MAP4K3: variants seen among roughly 807,000 people sequenced by gnomAD.
MAP4K3 encodes MAPK/ERK kinase kinase kinase 3.
In MAP4K3, 94 loss-of-function variants were observed where a neutral mutation model predicts 143.5. The ratio of observed to expected loss-of-function variants is 0.65; its 90% CI spans 0.55 to 0.78. The LOEUF is 0.78. MAP4K3 is among the 30% of genes least tolerant of loss of function. The pLI is 0.00. For synonymous variants in MAP4K3, 416 were observed against 347.2 expected, an observed-to-expected ratio of 1.20 and a Z score of -2.20; for missense variants, 1,077 against 1,068.1, an observed-to-expected ratio of 1.01 and a Z score of -0.12.
intron 20 of MAP4K3, among the ~76,000 whole-genome samples, chr2:39,287,471 A>AC (rs1558623525): frequency 6.8e-6 from 1 of 146,962 alleles, no homozygotes. Context: ...CTAATTTTGT[A>AC]TTTTTTTTTT....
rs141451985 is a variant in MAP4K3 at position 39,309,913 on chromosome 2, T to C, written c.998-394A>G. On this transcript the variant is annotated intron_variant, in intron 13 of 33. Transcript: ENST00000263881. ...TATAATAATTTAAAAAGTTATTCCATGGTGAAAGACATTTAATGCTACCAT... is the reference window on the plus strand; with the variant it reads ...TATAATAATTTAAAAAGTTATTCCACGGTGAAAGACATTTAATGCTACCAT... Among the ~76,000 whole-genome samples, 1,184 of 152,266 alleles carry C rather than the reference T, an allele frequency of 7.8e-3. 14 individuals carry two copies. Among genetic ancestry groups the C allele is most frequent in the African/African-American group, 0.027 (1,134 of 41,532 alleles).
At chr2:39,269,152 G>T (rs529279468) in intron 26 of MAP4K3, among the ~76,000 whole-genome samples, 1 of 150,706 alleles carries the variant, frequency 6.6e-6, no homozygotes, top group African/African-American at 2.4e-5. Context: ...ATATAAAATT[G>T]TACAGCACAT....
At chr2:39,415,980 A>AATATATATATATATATATATATATATAT in intron 1 of MAP4K3, among the ~76,000 whole-genome samples, 7 of 14,750 alleles carry the variant, frequency 4.7e-4, no homozygotes, top group Non-Finnish European at 1.0e-3. Context: ...AAAAAAAAAA[A>AATATATATATATATATATATATATATAT]ATATATATAT....
At chr2:39,270,274 T>G (rs1410156017) in intron 26 of MAP4K3, among the ~76,000 whole-genome samples, 1 of 152,220 alleles carries the variant, frequency 6.6e-6, no homozygotes, top group Non-Finnish European at 1.5e-5. Context: ...CTGAAATGTT[T>G]CAAAAATTTA....
chr2:39,317,959 G>A (rs149550564), intron 12 of MAP4K3, among the ~76,000 whole-genome samples: 26 of 152,174 alleles, frequency 1.7e-4, no homozygotes, highest in Middle Eastern at 3.4e-3. Flanking sequence ...TATGTTCATC[G>A]CAGTACTACT....
At chr2:39,284,064 C>A (rs1681658267) in intron 21 of MAP4K3, among the ~76,000 whole-genome samples, 1 of 152,034 alleles carries the variant, frequency 6.6e-6, no homozygotes, top group Non-Finnish European at 1.5e-5. Context: ...TTTCTGATAC[C>A]TTTTTATTCC....
intron 2 of MAP4K3, among the ~76,000 whole-genome samples, chr2:39,376,012 T>A (rs1387612785): frequency 3.3e-5 from 5 of 152,208 alleles, no homozygotes; most frequent in Admixed American, 3.3e-4. Flanking sequence ...AGACATACTG[T>A]GAATAATGCT....
intron 1 of MAP4K3, among the ~76,000 whole-genome samples, chr2:39,396,031 GTTT>G: frequency 6.6e-6 from 1 of 152,090 alleles, no homozygotes; most frequent in Admixed American, 6.5e-5. Context: ...GGTTTTTGGG[GTTT>G]TTTGTTTGTC....
intron 16 of MAP4K3, among the ~76,000 whole-genome samples, chr2:39,295,156 C>T (rs540063100): frequency 6.6e-6 from 1 of 151,846 alleles, no homozygotes; most frequent in African/African-American, 2.4e-5. Flanking sequence ...AAGTGTTCTG[C>T]AGTGCACTGA....
At chr2:39,372,440 TA>T (rs1193770048) in intron 2 of MAP4K3, among the ~76,000 whole-genome samples, 4 of 149,028 alleles carry the variant, frequency 2.7e-5, no homozygotes, top group Non-Finnish European at 6.0e-5. Flanking sequence ...AAAATTATCC[TA>T]AAATTTTTAG....
intron 18 of MAP4K3, among the ~76,000 whole-genome samples, chr2:39,291,436 C>T (rs1283947371): frequency 6.6e-6 from 1 of 152,114 alleles, no homozygotes; most frequent in African/African-American, 2.4e-5. Flanking sequence ...ATAAATGATA[C>T]AGTATAAAAT....
intron 13 of MAP4K3, among the ~76,000 whole-genome samples, chr2:39,310,467 C>G (rs6717800): frequency 0.81 from 122,874 of 152,174 alleles, 50,526 homozygotes; most frequent in Non-Finnish European, 0.89. Context: ...TGTATATATA[C>G]TACATTTCTT....
At chr2:39,374,453 G>C (rs1046606214) in intron 2 of MAP4K3, among the ~76,000 whole-genome samples, 1 of 151,860 alleles carries the variant, frequency 6.6e-6, no homozygotes, top group Non-Finnish European at 1.5e-5. Flanking sequence ...AGGCAGAGGC[G>C]GGTGGATCAC....
At chr2:39,380,596 GA>G (rs1007792699) in intron 1 of MAP4K3, among the ~76,000 whole-genome samples, 2 of 152,094 alleles carry the variant, frequency 1.3e-5, no homozygotes, top group Admixed American at 1.3e-4. Context: ...GTGAAGGGCA[GA>G]AAACAGGATA....
chr2:39,254,151 T>G (rs2148431224), intron 32 of MAP4K3, among the ~76,000 whole-genome samples: 1 of 152,308 alleles, frequency 6.6e-6, no homozygotes, highest in East Asian at 1.9e-4. Context: ...CTGGGGTTCC[T>G]CTGGGAAAGT....
intron 15 of MAP4K3, among the ~76,000 whole-genome samples, chr2:39,301,584 C>T (rs1231396242): frequency 6.6e-6 from 1 of 152,104 alleles, no homozygotes; most frequent in African/African-American, 2.4e-5. Flanking sequence ...AGCACACATT[C>T]GTGTGGAATG....
At chr2:39,389,573 GAAC>G (rs1666598150) in intron 1 of MAP4K3, among the ~76,000 whole-genome samples, 1 of 152,024 alleles carries the variant, frequency 6.6e-6, no homozygotes, top group Admixed American at 6.5e-5. Flanking sequence ...ATCCACAAAA[GAAC>G]AACAATTAGA....
intron 32 of MAP4K3, 63 bp from the exon 33 acceptor site, chr2:39,251,948 T>C: frequency 1.0e-6 from 1 of 982,418 alleles, no homozygotes. Flanking sequence ...TAATGGGCAC[T>C]TCATTATAAT....
intron 33 of MAP4K3, among the ~76,000 whole-genome samples, chr2:39,251,175 G>A (rs2148427714): frequency 6.6e-6 from 1 of 152,284 alleles, no homozygotes; most frequent in South Asian, 2.1e-4. Flanking sequence ...AGCTGTCCCT[G>A]CAGGCATTTA....
Sources: gnomAD v4.1 joint callset for allele counts (sites outside exome capture counted in the v4.1 genomes callset) on GRCh38, gnomAD v4.1.1 for gene constraint, MANE v1.5 for transcripts, NCBI Gene and HGNC (gene_info 2026-07-23, HGNC 2026-07-21) for gene names.